SLC33A2: variants seen among roughly 807,000 people sequenced by gnomAD.
SLC33A2 encodes the protein solute carrier family 33 member 2.
the SLC33A2 span, chr8:144,510,427 G>A: frequency 1.6e-5 from 26 of 1,612,756 alleles, no homozygotes; most frequent in East Asian, 5.3e-4. Flanking sequence ...CTCCCGAGTT[G>A]GGACTGTGGA....
the SLC33A2 span, chr8:144,509,823 C>T: frequency 6.5e-7 from 1 of 1,539,490 alleles, no homozygotes; most frequent in South Asian, 1.2e-5. Context: ...CTTCTCGTGG[C>T]CGCAACTCTT....
At chr8:144,509,828 A>G in the SLC33A2 span, 9 of 1,537,940 alleles carry the variant, frequency 5.9e-6, no homozygotes, top group Middle Eastern at 1.7e-4. Context: ...CGTGGCCGCA[A>G]CTCTTTCTGC....
At chr8:144,510,844 A>G in the SLC33A2 span, 2 of 1,610,482 alleles carry the variant, frequency 1.2e-6, no homozygotes, top group South Asian at 2.2e-5. Context: ...AGGCCTGGTC[A>G]CCACAGTCAC....
chr8:144,510,380 C>G, the SLC33A2 span: 1 of 1,612,550 alleles, frequency 6.2e-7, no homozygotes, highest in African/African-American at 1.3e-5. Flanking sequence ...TGCCAGCAGC[C>G]TGTTTCCTCT....
At chr8:144,509,216 G>C in the SLC33A2 span, 1 of 1,075,006 alleles carries the variant, frequency 9.3e-7, no homozygotes, top group Non-Finnish European at 1.3e-6. Flanking sequence ...GACTCTGCCC[G>C]GTCCCAGAAC....
At chr8:144,509,187 C>T in the SLC33A2 span, 15 of 803,962 alleles carry the variant, frequency 1.9e-5, no homozygotes, top group East Asian at 4.6e-4. Context: ...CGTGTCCAGA[C>T]CCTAGCCTGT....
At chr8:144,510,557 C>A in the SLC33A2 span, 6 of 1,610,326 alleles carry the variant, frequency 3.7e-6, no homozygotes, top group Admixed American at 1.0e-4. Context: ...CTGAGCTGCC[C>A]CCAATCCACT....
chr8:144,510,791 C>T, the SLC33A2 span: 12 of 1,611,320 alleles, frequency 7.4e-6, no homozygotes, highest in Admixed American at 3.3e-5. Flanking sequence ...TCTGCCCTCC[C>T]AGGGTCAGCC....
chr8:144,511,140 C>T, the SLC33A2 span: 53 of 1,610,420 alleles, frequency 3.3e-5, no homozygotes, highest in Middle Eastern at 1.6e-4. Flanking sequence ...TGTACCTGGA[C>T]CTAGCACCCA....
chr8:144,511,179 G>A, the SLC33A2 span: 51 of 1,605,630 alleles, frequency 3.2e-5, no homozygotes, highest in Non-Finnish European at 4.2e-5. Flanking sequence ...AGTGGCTGGA[G>A]TGGTCAATAA....
At chr8:144,510,088 T>G in the SLC33A2 span, 5 of 1,500,870 alleles carry the variant, frequency 3.3e-6, no homozygotes, top group South Asian at 4.9e-5. Context: ...CCCAGGGGCT[T>G]GCAACCCATT....
chr8:144,510,051 G>T, the SLC33A2 span: 1 of 1,572,262 alleles, frequency 6.4e-7, no homozygotes, highest in Non-Finnish European at 8.6e-7. Context: ...CAGCAGTTGG[G>T]GCTTCCGGGA....
the SLC33A2 span, chr8:144,510,338 C>T: frequency 1.9e-6 from 3 of 1,610,408 alleles, no homozygotes; most frequent in East Asian, 2.2e-5. Context: ...CTCCCGTGCT[C>T]ATGCCCCCCC....
At chr8:144,509,535 G>C in the SLC33A2 span, 1 of 1,523,962 alleles carries the variant, frequency 6.6e-7, no homozygotes, top group Admixed American at 2.0e-5. Context: ...CTCGGCGAGG[G>C]CCTGGGTGAC....
chr8:144,510,435 G>A, the SLC33A2 span: 2 of 1,612,920 alleles, frequency 1.2e-6, no homozygotes, highest in Non-Finnish European at 1.7e-6. Flanking sequence ...TTGGGACTGT[G>A]GAATGGTGTG....
the SLC33A2 span, chr8:144,510,885 G>A: frequency 8.1e-6 from 13 of 1,606,794 alleles, no homozygotes; most frequent in Non-Finnish European, 1.1e-5. Flanking sequence ...GCAGCCAGCT[G>A]GCCCCCAGGG....
chr8:144,510,087 T>C, the SLC33A2 span: 1 of 1,502,020 alleles, frequency 6.7e-7, no homozygotes, highest in Non-Finnish European at 8.9e-7. Context: ...CCCCAGGGGC[T>C]TGCAACCCAT....
the SLC33A2 span, chr8:144,509,182 C>A: frequency 1.3e-6 from 1 of 757,020 alleles, no homozygotes; most frequent in Non-Finnish European, 2.0e-6. Context: ...GAGCACGTGT[C>A]CAGACCCTAG....
chr8:144,509,920 C>T, the SLC33A2 span: 1 of 1,572,478 alleles, frequency 6.4e-7, no homozygotes, highest in Non-Finnish European at 8.6e-7. Context: ...CAGCCCCCTT[C>T]CGAGCAGCGT....
Sources: gnomAD v4.1 joint callset for allele counts on GRCh38, gnomAD v4.1.1 for gene constraint, MANE v1.5 for transcripts, NCBI Gene and HGNC (gene_info 2026-07-23, HGNC 2026-07-21) for gene names.